Variants in TNR observed in about 807,000 individuals in gnomAD.
TNR encodes the protein tenascin-R.
Under a neutral mutation model 150.4 loss-of-function variants are expected in TNR, and 45 were observed. The ratio of observed to expected loss-of-function variants is 0.30; its 90% CI spans 0.24 to 0.38. The LOEUF is 0.38. Among genes scored for constraint, TNR ranks in the 10% least tolerant of loss-of-function variants. TNR has a pLI of 1.00. For missense variants in TNR, 1,544 were observed against 1,759.1 expected, an observed-to-expected ratio of 0.88 and a Z score of 2.19; for synonymous variants, 687 against 678.4, an observed-to-expected ratio of 1.01 and a Z score of -0.20.
At chr1:175,461,755 A>T (rs1254362148) in intron 2 of TNR, among the ~76,000 whole-genome samples, 3 of 147,944 alleles carry the variant, frequency 2.0e-5, no homozygotes, top group Non-Finnish European at 4.4e-5. Flanking sequence ...AATTCTTAAT[A>T]GTTTCCTTCT....
intron 1 of TNR, among the ~76,000 whole-genome samples, chr1:175,671,909 AC>A (rs1665708551): frequency 9.3e-6 from 1 of 107,754 alleles, no homozygotes; most frequent in African/African-American, 3.9e-5. Flanking sequence ...TATGAGCTGT[AC>A]CTGTGTGTGT....
At chr1:175,450,875 CCA>C (rs1348449025) in intron 2 of TNR, among the ~76,000 whole-genome samples, 3 of 152,164 alleles carry the variant, frequency 2.0e-5, no homozygotes, top group East Asian at 1.9e-4. Context: ...CTGTGACATC[CCA>C]CAGATTGTTA....
In TNR at chr1:175,694,155, T is replaced by C. The variant is rs145101989; in HGVS notation, c.-165+49071A>G. Among the ~76,000 whole-genome samples the C allele has an allele frequency of 2.2e-3, 334 of 152,306 alleles. 2 individuals are homozygous for C. Among genetic ancestry groups the C allele is most frequent in the African/African-American group, 7.5e-3 (312 of 41,570 alleles). ...AATCCAATATTTACAGTCTAGACTT[T>C]TCCTCTCAGTCTTATAACAAAGTAC... is the stretch of plus-strand genomic sequence containing the variant. On this transcript the variant is annotated intron_variant, in intron 1 of 22. Coordinates refer to ENST00000367674, the MANE Select transcript of TNR (RefSeq NM_003285.3).
In TNR at chr1:175,427,889, G is replaced by GCTTCCTTCCTTCCTTCCTTC. The variant is rs71129510; in HGVS notation, c.-63-21132_-63-21113dup. ...TCCTTCCTTCTTCCCTCCCTTCTTC[G>GCTTCCTTCCTTCCTTCCTTC]CTTCCTTCCTTCCTTCCTTCCTTCC... is the stretch of plus-strand genomic sequence containing the variant. On this transcript the variant is annotated intron_variant, in intron 2 of 22. Transcript: ENST00000367674. Among the ~76,000 whole-genome samples the GCTTCCTTCCTTCCTTCCTTC allele has an allele frequency of 4.6e-3, 518 of 111,526 alleles. 3 individuals carry two copies. Among genetic ancestry groups the GCTTCCTTCCTTCCTTCCTTC allele is most frequent in the African/African-American group, 9.2e-3 (277 of 30,200 alleles). 73.2% of individuals were successfully genotyped at this position (111,526 alleles called of 152,430 possible). A position where few individuals can be genotyped will look rare whatever the true frequency, so the allele number is the denominator to read the frequency against.
intron 1 of TNR, among the ~76,000 whole-genome samples, chr1:175,648,786 C>T (rs145342253): frequency 2.0e-5 from 3 of 152,272 alleles, no homozygotes; most frequent in East Asian, 1.9e-4. Flanking sequence ...TCTGCTCCAC[C>T]GTTAGTCTTC....
chr1:175,519,681 G>T (rs936438626), intron 2 of TNR, among the ~76,000 whole-genome samples: 1 of 152,242 alleles, frequency 6.6e-6, no homozygotes, highest in African/African-American at 2.4e-5. Context: ...GAGATAGGTT[G>T]CTCTACAGGG....
intron 1 of TNR, among the ~76,000 whole-genome samples, chr1:175,735,600 T>C (rs1667750539): frequency 6.6e-6 from 1 of 152,124 alleles, no homozygotes; most frequent in Admixed American, 6.5e-5. Context: ...TTCAAAGTAA[T>C]CTATATAAAC....
intron 2 of TNR, among the ~76,000 whole-genome samples, chr1:175,478,016 C>T (rs536036230): frequency 1.2e-4 from 19 of 152,206 alleles, no homozygotes; most frequent in Admixed American, 3.3e-4. Flanking sequence ...ACTTGCTGGG[C>T]GCTCAAAGAA....
At chr1:175,335,681 C>A (rs1391090830) in intron 20 of TNR, 30 bp downstream of exon 20, 1 of 1,594,766 alleles carries the variant, frequency 6.3e-7, no homozygotes, top group Non-Finnish European at 8.6e-7. Flanking sequence ...CAGAGAAGCA[C>A]ATCAATGGAA....
At chr1:175,506,974 CA>C (rs980825168) in intron 2 of TNR, among the ~76,000 whole-genome samples, 4 of 152,146 alleles carry the variant, frequency 2.6e-5, no homozygotes, top group Admixed American at 2.6e-4. Flanking sequence ...AACAGTATAG[CA>C]GGGGTGCGTG....
intron 14 of TNR, among the ~76,000 whole-genome samples, chr1:175,360,701 C>G (rs1651550206): frequency 6.6e-6 from 1 of 152,118 alleles, no homozygotes; most frequent in African/African-American, 2.4e-5. Flanking sequence ...AAGAAACAAC[C>G]TGCACAATAT....
At chr1:175,479,801 C>G (rs1193451118) in intron 2 of TNR, among the ~76,000 whole-genome samples, 1 of 152,096 alleles carries the variant, frequency 6.6e-6, no homozygotes, top group Non-Finnish European at 1.5e-5. Context: ...TTCGAAAAAC[C>G]TCCCAGCTGC....
intron 15 of TNR, among the ~76,000 whole-genome samples, chr1:175,356,912 C>A (rs947106557): frequency 1.3e-5 from 2 of 152,164 alleles, no homozygotes; most frequent in African/African-American, 2.4e-5. Flanking sequence ...CTGCTAAAGT[C>A]CAAAACTCAG....
At chr1:175,572,810 CTAAAA>C (rs1031940319) in intron 1 of TNR, among the ~76,000 whole-genome samples, 12 of 151,468 alleles carry the variant, frequency 7.9e-5, no homozygotes, top group South Asian at 6.3e-4. Flanking sequence ...ACATCTTTCT[CTAAAA>C]TAAAATAAAA....
intron 1 of TNR, among the ~76,000 whole-genome samples, chr1:175,582,585 G>A (rs1179643452): frequency 6.6e-6 from 1 of 152,160 alleles, no homozygotes; most frequent in African/African-American, 2.4e-5. Flanking sequence ...CCCTGGGAGA[G>A]GGGGTGGTGG....
At chr1:175,369,366 T>C (rs1651986737) in intron 9 of TNR, among the ~76,000 whole-genome samples, 1 of 152,174 alleles carries the variant, frequency 6.6e-6, no homozygotes, top group Non-Finnish European at 1.5e-5. Flanking sequence ...GTTCTGGTGG[T>C]TGCCAGCACT....
intron 2 of TNR, among the ~76,000 whole-genome samples, chr1:175,496,129 T>A (rs1447067809): frequency 6.6e-6 from 1 of 152,220 alleles, no homozygotes; most frequent in Non-Finnish European, 1.5e-5. Context: ...TTCCTGTTAT[T>A]AAAATAGAAA....
chr1:175,438,947 G>T (rs1655647504), intron 2 of TNR, among the ~76,000 whole-genome samples: 2 of 152,050 alleles, frequency 1.3e-5, no homozygotes, highest in Admixed American at 1.3e-4. Flanking sequence ...TGGCCATACT[G>T]CCCAAGGTAA....
intron 1 of TNR, among the ~76,000 whole-genome samples, chr1:175,597,602 T>C (rs968230374): frequency 2.4e-4 from 37 of 152,188 alleles, no homozygotes; most frequent in African/African-American, 8.7e-4. Flanking sequence ...TTTCAGACAC[T>C]GGGGCTTGTC....
Sources: allele counts gnomAD v4.1 joint callset (sites outside exome capture counted in the v4.1 genomes callset), GRCh38; gene constraint gnomAD v4.1.1; transcripts MANE v1.5; gene names NCBI Gene and HGNC (gene_info 2026-07-23, HGNC 2026-07-21).